The following DNAJC21 variants were observed in gnomAD, a reference collection of about 807,000 sequenced individuals.
DNAJC21 encodes the protein dnaJ homolog subfamily C member 21.
A neutral mutation model predicts 72.4 loss-of-function variants in DNAJC21; 63 were observed. That is an observed-to-expected ratio of 0.87 (90% CI 0.71 to 1.07). The LOEUF is 1.07. DNAJC21 is among the 50% of genes least tolerant of loss of function. The pLI, the probability that DNAJC21 is intolerant of heterozygous loss-of-function variation, is 0.00. For missense variants in DNAJC21, 634 were observed against 644.8 expected (o/e 0.98, Z 0.18); for synonymous variants, 203 against 216.7 (o/e 0.94, Z 0.56).
At chr5:34,942,805 A>G (rs1172031613) in intron 7 of DNAJC21, among the ~76,000 whole-genome samples, 3 of 152,296 alleles carry the variant, frequency 2.0e-5, no homozygotes, top group African/African-American at 7.2e-5. Context: ...GCAGTGGCTC[A>G]CGCCTGTAAT....
intron 2 of DNAJC21, 108 bp from the exon 3 acceptor site, chr5:34,935,602 C>T: frequency 7.0e-7 from 1 of 1,425,548 alleles, no homozygotes; most frequent in South Asian, 1.3e-5. Flanking sequence ...ATGGATTGGA[C>T]ATATCAACAA....
intron 9 of DNAJC21, chr5:34,949,516 T>A: frequency 6.4e-7 from 1 of 1,551,894 alleles, no homozygotes; most frequent in Non-Finnish European, 8.7e-7. Flanking sequence ...GTGTGAGTAT[T>A]GTGCCAGAGA....
rs761951948 is a variant in DNAJC21, at chr5:34,936,206, G to C, written c.378G>C (p.Val126=). Residue 126 remains valine (V), a synonymous_variant, in exon 4 of 12, where the codon GTG becomes GTC. Transcript: ENST00000648817. ...TTGCCAAGGAAGAACTAGAATCTGT[G>C]TTAGAGGAAGAGGTTGATGATTTCC... The part of the protein sequence containing the change: ...EMIAKEELES[V]LEEEVDDFPT... 1 of 1,614,120 alleles carries C rather than the reference G, an allele frequency of 6.2e-7. No individual in the cohort carries two copies. Among genetic ancestry groups the C allele is most frequent in the Non-Finnish European group, 8.5e-7 (1 of 1,179,998 alleles).
intron 4 of DNAJC21, among the ~76,000 whole-genome samples, chr5:34,936,472 C>T (rs37426): frequency 0.88 from 133,473 of 152,156 alleles, 60,102 homozygotes; most frequent in Non-Finnish European, 0.98. Flanking sequence ...GTGTGCGCCA[C>T]GACATCTAGC....
Position 34,956,189 on chromosome 5 carries a change from C to T in DNAJC21, c.*1475C>T, listed in dbSNP as rs163723. ...AACGAAATGAACAAATTTTCGGTTA[C>T]AGATCAGCTCTCAAACACTAAAGTC... On this transcript the variant is annotated 3_prime_UTR_variant, in exon 12 of 12. Transcript: ENST00000648817. The T allele has an allele frequency of 0.94, 144,042 of 152,724 alleles. 68,277 individuals carry two copies. Among genetic ancestry groups the T allele is most frequent in the Non-Finnish European group, 0.98 (66,938 of 68,044 alleles). 9.5% of individuals were successfully genotyped at this position (152,724 alleles called of 1,614,324 possible).
chr5:34,938,805 A>C (rs951995295), intron 5 of DNAJC21, 53 bp from the exon 6 acceptor site: 5 of 1,491,766 alleles, frequency 3.4e-6, no homozygotes, highest in African/African-American at 2.9e-5. Flanking sequence ...GTAGTAAGTG[A>C]AAACCATGCA....
intron 1 of DNAJC21, 169 bp downstream of exon 1, chr5:34,930,085 G>A: frequency 2.2e-6 from 1 of 446,226 alleles, no homozygotes; most frequent in Non-Finnish European, 4.0e-6. Context: ...GTCTCGGTGG[G>A]CGAAGCGCTC....
Position 34,938,874 on chromosome 5 carries a change from A to G in DNAJC21, c.760A>G (p.Arg254Gly), listed in dbSNP as rs1362593821. The change falls in exon 6 of 12, where the codon AGA becomes GGA. Residue 254 changes from arginine to glycine, a missense_variant. Coordinates refer to ENST00000648817, the MANE Select transcript of DNAJC21 (RefSeq NM_001012339.3). ...TGTGTCTAGACTGGTGGAGCAGTAC[A>G]GAGAACAGAGCTGGATGACTATGGC... ...LKQAKLVEQY[R>G]EQSWMTMANL... 2 of 1,614,006 alleles carry G rather than the reference A, an allele frequency of 1.2e-6. No individual in the cohort carries two copies. Among genetic ancestry groups the G allele is most frequent in the Admixed American group, 3.3e-5 (2 of 59,978 alleles).
chr5:34,930,087 G>A (rs900412689), intron 1 of DNAJC21, 171 bp downstream of exon 1: 3 of 452,272 alleles, frequency 6.6e-6, no homozygotes, highest in Non-Finnish European at 1.2e-5. Flanking sequence ...CTCGGTGGGC[G>A]AAGCGCTCTG....
intron 7 of DNAJC21, among the ~76,000 whole-genome samples, chr5:34,941,567 T>C (rs1377675523): frequency 7.2e-6 from 1 of 138,690 alleles, no homozygotes; most frequent in African/African-American, 2.7e-5. Flanking sequence ...TTTCTTTTTT[T>C]TTTTTTTTTT....
intron 1 of DNAJC21, among the ~76,000 whole-genome samples, chr5:34,932,419 C>CA (rs769907634): frequency 0.024 from 1,580 of 65,172 alleles, 10 homozygotes; most frequent in African/African-American, 0.049. Context: ...GACTCCATCT[C>CA]AAAAAAAAAA....
At chr5:34,930,427 T>C (rs1279191639) in intron 1 of DNAJC21, 1 of 152,082 alleles carries the variant, frequency 6.6e-6, no homozygotes, top group Non-Finnish European at 1.5e-5. Context: ...ATCTTTTCAA[T>C]AGGGATGCGC....
intron 10 of DNAJC21, chr5:34,950,560 A>G (rs1678893796): frequency 8.6e-7 from 1 of 1,168,618 alleles, no homozygotes; most frequent in Non-Finnish European, 1.1e-6. Context: ...TCTCAGCAGC[A>G]TGGCCAAAAT....
At chr5:34,938,229 C>T (rs1052818548) in intron 5 of DNAJC21, among the ~76,000 whole-genome samples, 3 of 152,176 alleles carry the variant, frequency 2.0e-5, no homozygotes, top group Non-Finnish European at 2.9e-5. Flanking sequence ...TGTGCAAGGC[C>T]ACGTTCTAAG....
At chr5:34,952,126 T>C (rs1332844549) in intron 10 of DNAJC21, 2 of 804,302 alleles carry the variant, frequency 2.5e-6, no homozygotes, top group African/African-American at 1.9e-5. Context: ...TTAAAAAATG[T>C]GTGTGTGTGT....
rs775999023 is a variant in DNAJC21, at chr5:34,933,835, G to A, written c.118G>A (p.Ala40Thr). The change falls in exon 2 of 12, where the codon GCA (alanine) becomes ACA (threonine). Residue 40 changes from alanine (A) to threonine (T), a missense_variant. By Grantham distance (58) the Ala-to-Thr change is moderately conservative (BLOSUM62 0). Coordinates refer to ENST00000648817, the MANE Select transcript of DNAJC21 (RefSeq NM_001012339.3). ...WHPDKNLDNA[A>T]EAAEQFKLIQ... ...AACAGATAAAAATCTGGATAATGCC[G>A]CAGAAGCAGCTGAACAATTTAAATT... 50 of 1,613,380 alleles carry A rather than the reference G, an allele frequency of 3.1e-5. No individual in the cohort carries two copies. The highest frequency in any genetic ancestry group is 2.7e-4 in the Admixed American group (16 of 59,956).
chr5:34,941,560 CTTTTTTTTTTT>C (rs765889955), intron 7 of DNAJC21, among the ~76,000 whole-genome samples: 4 of 76,088 alleles, frequency 5.3e-5, no homozygotes, highest in South Asian at 5.7e-4. Flanking sequence ...CTTGTGTTTT[CTTTTTTTTTTT>C]TTTTTTTTTT....
Position 34,950,217 on chromosome 5 carries a change from G to C in DNAJC21, c.1233G>C (p.Lys411Asn), listed in dbSNP as rs1384882909. ...FNVNGPGEGV[K>N]VDPEDTNLNQ... ...TAAATGGACCTGGAGAAGGAGTAAAGGTTGATCCAGAAGATACTAACTTAA... is the reference window on the plus strand; with the variant it reads ...TAAATGGACCTGGAGAAGGAGTAAACGTTGATCCAGAAGATACTAACTTAA... Residue 411 changes from lysine to asparagine, a missense_variant, in exon 10 of 12, where the codon AAG (lysine) becomes AAC (asparagine). By Grantham distance (94) the Lys-to-Asn change is moderately conservative. Transcript: ENST00000648817. 1.9e-6 allele frequency: 3 copies of C among 1,613,406 alleles called. No individual in the cohort carries two copies. The Admixed American group carries it at 5.0e-5, about 27-fold the overall frequency.
Position 34,937,331 on chromosome 5 carries a change from C to A in DNAJC21, c.444C>A (p.Val148=). 6.2e-7 allele frequency: 1 copy of A among 1,607,120 alleles called. No homozygotes were observed. The highest frequency in any genetic ancestry group is 8.5e-7 in the Non-Finnish European group (1 of 1,176,894). ...GDSQSDYDTV[V]HPFYAYWQSF... Reference sequence around the variant, plus strand: ...TCTGTTTTCTTTGTCACTAGGTAGTCCATCCTTTCTACGCTTATTGGCAGA... The same window carrying A: ...TCTGTTTTCTTTGTCACTAGGTAGTACATCCTTTCTACGCTTATTGGCAGA... Residue 148 remains valine (V), a synonymous_variant, in exon 5 of 12, where the codon GTC becomes GTA. Coordinates refer to ENST00000648817, the MANE Select transcript of DNAJC21 (RefSeq NM_001012339.3).
Sources: gnomAD v4.1 joint callset for allele counts (sites outside exome capture counted in the v4.1 genomes callset) on GRCh38, gnomAD v4.1.1 for gene constraint, MANE v1.5 for transcripts, NCBI Gene and HGNC (gene_info 2026-07-23, HGNC 2026-07-21) for gene names.